TRIM42: variants seen among roughly 807,000 people sequenced by gnomAD.
TRIM42 encodes the protein tripartite motif containing 42.
A neutral mutation model predicts 64.9 loss-of-function variants in TRIM42; 59 were observed. That is an observed-to-expected ratio of 0.91 (90% confidence interval 0.74 to 1.13). The LOEUF is 1.13. Among genes scored for constraint, TRIM42 ranks in the 50% most tolerant of loss-of-function variants. TRIM42 has a pLI of 0.00. For missense variants in TRIM42, 878 were observed against 929.5 expected (o/e 0.94, Z 0.72); for synonymous variants, 354 against 346.3 (o/e 1.02, Z -0.25).
Position 140,678,392 on chromosome 3 carries a change from T to G in TRIM42, c.163T>G (p.Cys55Gly). Reference sequence around the variant, plus strand: ...TGAGCGGAACTGCCAGTTCTGCCACTGCACCTGTTCTGAGAGCCCCAACTG... The same window carrying G: ...TGAGCGGAACTGCCAGTTCTGCCACGGCACCTGTTCTGAGAGCCCCAACTG... ...KDERNCQFCH[C>G]TCSESPNCHW... Residue 55 changes from cysteine to glycine, a missense_variant, in exon 1 of 5, where the codon TGC becomes GGC. Physicochemically the swap from Cys to Gly is radical, Grantham distance 159. Transcript: ENST00000286349. 1 of 1,614,200 alleles carries G rather than the reference T, an allele frequency of 6.2e-7. No individual in the cohort carries two copies. The highest frequency in any genetic ancestry group is 8.5e-7 in the Non-Finnish European group (1 of 1,180,028).
intron 1 of TRIM42, among the ~76,000 whole-genome samples, chr3:140,679,888 A>C: frequency 7.3e-6 from 1 of 136,590 alleles, no homozygotes; most frequent in Non-Finnish European, 1.6e-5. Flanking sequence ...CACCCCCCCA[A>C]ACATTGATTT....
chr3:140,689,980 G>A (rs1223756917), intron 3 of TRIM42, among the ~76,000 whole-genome samples: 7 of 151,966 alleles, frequency 4.6e-5, no homozygotes, highest in African/African-American at 7.3e-5. Flanking sequence ...CATCCCTGAT[G>A]AGCTCAAAAA....
At chr3:140,699,867 T>C (rs1046346787) in intron 4 of TRIM42, among the ~76,000 whole-genome samples, 10 of 152,244 alleles carry the variant, frequency 6.6e-5, no homozygotes, top group African/African-American at 1.9e-4. Context: ...TTTGTAAAAG[T>C]AGAGAGCATA....
intron 1 of TRIM42, among the ~76,000 whole-genome samples, chr3:140,681,657 A>T (rs74958497): frequency 0.018 from 2,687 of 151,806 alleles, 59 homozygotes; most frequent in East Asian, 0.12. Flanking sequence ...GAAAAAAAAA[A>T]CACTGAGAAC....
intron 4 of TRIM42, among the ~76,000 whole-genome samples, chr3:140,693,502 C>T (rs1410116682): frequency 6.6e-6 from 1 of 152,172 alleles, no homozygotes; most frequent in Non-Finnish European, 1.5e-5. Flanking sequence ...TAACATTTGT[C>T]ATGATTTGCA....
At position 140,688,502 on chromosome 3, in the gene TRIM42, T is replaced by C. The variant is rs749489977; in HGVS notation, c.1820T>C (p.Ile607Thr). Residue 607 changes from isoleucine (I) to threonine (T), a missense_variant, in exon 3 of 5, where the codon ATT becomes ACT. Coordinates refer to ENST00000286349, the MANE Select transcript of TRIM42 (RefSeq NM_152616.5). ...GGCTCTGTGAAGACCCCAGGCCCAA[T>C]TGTTATCTACCAGACTCTGGTGTAC... The part of the protein sequence containing the change: ...NDGSVKTPGP[I>T]VIYQTLVYPR... 3.1e-6 allele frequency: 5 copies of C among 1,613,614 alleles called. No homozygotes were observed. The highest frequency in any genetic ancestry group is 2.2e-5 in the East Asian group (1 of 44,882).
At chr3:140,695,799 A>AG (rs1988831360) in intron 4 of TRIM42, among the ~76,000 whole-genome samples, 3 of 152,136 alleles carry the variant, frequency 2.0e-5, no homozygotes, top group African/African-American at 7.2e-5. Flanking sequence ...GAGGTCATTC[A>AG]ATCTGAATGA....
intron 2 of TRIM42, among the ~76,000 whole-genome samples, chr3:140,684,058 C>T (rs1357304412): frequency 6.6e-6 from 1 of 152,076 alleles, no homozygotes; most frequent in Non-Finnish European, 1.5e-5. Flanking sequence ...CCAAAAGATC[C>T]CTTTAGTGCC....
rs1347697041 is a variant in TRIM42, at chr3:140,682,498, C to A, written c.378C>A (p.Thr126=). ...CCCTGCGCACTGGGAGCAGCGATACCCAGGTGGATGAAGTAAAGTCAATAC... is the reference window on the plus strand; with the variant it reads ...CCCTGCGCACTGGGAGCAGCGATACACAGGTGGATGAAGTAAAGTCAATAC... The part of the protein sequence containing the change: ...KTALRTGSSD[T]QVDEVKSIPA... The change falls in exon 2 of 5, where the codon ACC becomes ACA. Residue 126 remains threonine, a synonymous_variant. Coordinates refer to ENST00000286349, the MANE Select transcript of TRIM42 (RefSeq NM_152616.5). 1 of 1,614,180 alleles carries A rather than the reference C, an allele frequency of 6.2e-7. No individual in the cohort carries two copies. The highest frequency in any genetic ancestry group is 8.5e-7 in the Non-Finnish European group (1 of 1,180,028).
chr3:140,684,103 C>G (rs1339168927), intron 2 of TRIM42, among the ~76,000 whole-genome samples: 2 of 152,066 alleles, frequency 1.3e-5, no homozygotes, highest in Non-Finnish European at 2.9e-5. Context: ...GTATAAAGGT[C>G]CACTTTACTC....
chr3:140,700,086 C>T (rs922041061), intron 4 of TRIM42, among the ~76,000 whole-genome samples: 1 of 152,126 alleles, frequency 6.6e-6, no homozygotes, highest in Non-Finnish European at 1.5e-5. Context: ...TGGGTCTCGA[C>T]CTCACTCCAT....
At chr3:140,679,436 C>A (rs977573798) in intron 1 of TRIM42, among the ~76,000 whole-genome samples, 3 of 152,152 alleles carry the variant, frequency 2.0e-5, no homozygotes, top group Non-Finnish European at 4.4e-5. Context: ...AAGATGACAG[C>A]ACCATAAGAT....
intron 4 of TRIM42, among the ~76,000 whole-genome samples, chr3:140,699,494 T>C (rs1388801098): frequency 2.6e-5 from 4 of 152,188 alleles, no homozygotes; most frequent in Non-Finnish European, 5.9e-5. Flanking sequence ...TTCCAAGTTT[T>C]GTTTTTCTGT....
intron 4 of TRIM42, among the ~76,000 whole-genome samples, chr3:140,694,739 G>A (rs756300770): frequency 1.3e-5 from 2 of 152,222 alleles, no homozygotes; most frequent in African/African-American, 2.4e-5. Flanking sequence ...TGAAGGGCCT[G>A]AGGGAGAATA....
chr3:140,684,469 C>A (rs1261432432), intron 2 of TRIM42, among the ~76,000 whole-genome samples: 1 of 152,174 alleles, frequency 6.6e-6, no homozygotes, highest in African/African-American at 2.4e-5. Context: ...TAGTCTCCAT[C>A]ATTCAGATAG....
chr3:140,699,198 T>C (rs1988931404), intron 4 of TRIM42, among the ~76,000 whole-genome samples: 1 of 152,236 alleles, frequency 6.6e-6, no homozygotes, highest in South Asian at 2.1e-4. Flanking sequence ...GTGTTCATGA[T>C]GTATTACTTT....
At chr3:140,697,332 C>G (rs1237812222) in intron 4 of TRIM42, among the ~76,000 whole-genome samples, 1 of 152,140 alleles carries the variant, frequency 6.6e-6, no homozygotes, top group Non-Finnish European at 1.5e-5. Context: ...AGCAGAAATA[C>G]TTAATTTTGA....
rs1228677076 is a variant in TRIM42, at chr3:140,682,673, A to G, written c.553A>G (p.Ile185Val). 1 of 1,613,150 alleles carries G rather than the reference A, an allele frequency of 6.2e-7. No homozygotes were observed. Residue 185 changes from isoleucine to valine, a missense_variant, in exon 2 of 5, where the codon ATC becomes GTC. Coordinates refer to ENST00000286349, the MANE Select transcript of TRIM42 (RefSeq NM_152616.5). ...KHAEVTENFFILICPVCDRSH... is the reference protein window; with the variant it reads ...KHAEVTENFFVLICPVCDRSH... ...CGCCGAGGTCACCGAGAACTTCTTCATCCTCATCTGCCCAGTGTGCGACCG... is the reference window on the plus strand; with the variant it reads ...CGCCGAGGTCACCGAGAACTTCTTCGTCCTCATCTGCCCAGTGTGCGACCG...
In TRIM42 at chr3:140,688,046, A is replaced by T; in HGVS notation, c.1364A>T (p.Asp455Val). The part of the protein sequence containing the change: ...SAKILVDQIE[D>V]GIQTTYRPDP... ...AAGATCCTGGTGGACCAGATCGAGG[A>T]CGGCATCCAGACCACCTACAGGCCT... The change falls in exon 3 of 5, where the codon GAC becomes GTC. Residue 455 changes from aspartate (D) to valine (V), a missense_variant. By Grantham distance (152) the Asp-to-Val change is radical. Coordinates refer to ENST00000286349, the MANE Select transcript of TRIM42 (RefSeq NM_152616.5). 6.2e-7 allele frequency: 1 copy of T among 1,614,102 alleles called. No individual in the cohort carries two copies.
Sources: allele counts gnomAD v4.1 joint callset (sites outside exome capture counted in the v4.1 genomes callset), GRCh38; gene constraint gnomAD v4.1.1; transcripts MANE v1.5; gene names NCBI Gene and HGNC (gene_info 2026-07-23, HGNC 2026-07-21).